The following CXCR2 variants were observed in gnomAD, a reference collection of about 807,000 sequenced individuals.
CXCR2 encodes the protein C-X-C motif chemokine receptor 2.
CXCR2 carries 2 observed loss-of-function variants against 3.7 expected under a neutral mutation model. The observed-to-expected ratio is 0.55, with a 90% confidence interval of 0.22 to 1.72. The LOEUF is 1.72. Among genes scored for constraint, CXCR2 ranks in the 40% most tolerant of loss-of-function variants. The probability of loss-of-function intolerance (pLI) is 0.19; values close to 1 mark genes in which losing one functional copy is unlikely to be tolerated. For missense variants in CXCR2, 351 were observed against 450.1 expected (o/e 0.78, Z 1.99); for synonymous variants, 203 against 193.3 (o/e 1.05, Z -0.41).
In CXCR2 at chr2:218,136,448, G is replaced by A; in HGVS notation, c.*564G>A. ...CTCTGTCTCAGTCCATGAAGATGTAGAGGAGAAACTGGAACTCTCGAGCGT... is the reference window on the plus strand; with the variant it reads ...CTCTGTCTCAGTCCATGAAGATGTAAAGGAGAAACTGGAACTCTCGAGCGT... On this transcript the variant is annotated 3_prime_UTR_variant, in exon 3 of 3. Transcript: ENST00000318507. 6.0e-6 allele frequency: 1 copy of A among 167,828 alleles called. No individual in the cohort carries two copies. The allele number at this position is 167,828 out of a possible 1,614,324, so 10.4% of individuals were successfully genotyped here.
chr2:218,126,778 G>A (rs1003175624), intron 1 of CXCR2, among the ~76,000 whole-genome samples: 1 of 152,024 alleles, frequency 6.6e-6, no homozygotes, highest in South Asian at 2.1e-4. Flanking sequence ...CTCCCAAGTA[G>A]CTGCAGCTAC....
rs142762038 is a variant in CXCR2, at chr2:218,134,891, C to T, written c.90C>T (p.Pro30=). ...ATTACAGTTACAGCTCTACCCTGCC[C>T]CCTTTTCTACTAGATGCCGCCCCAT... ...LSNYSYSSTL[P]PFLLDAAPCE... Residue 30 remains proline (P), a synonymous_variant, in exon 3 of 3, where the codon CCC becomes CCT. Transcript: ENST00000318507. 1,338 of 1,614,134 alleles carry T rather than the reference C, an allele frequency of 8.3e-4. 2 individuals carry two copies. Among genetic ancestry groups the T allele is most frequent in the South Asian group, 2.2e-3 (202 of 91,088 alleles).
intron 1 of CXCR2, among the ~76,000 whole-genome samples, chr2:218,128,002 T>C (rs1400311499): frequency 1.3e-5 from 2 of 152,204 alleles, no homozygotes; most frequent in Admixed American, 6.5e-5. Flanking sequence ...ACTATTCCAG[T>C]AATAATGATC....
intron 1 of CXCR2, among the ~76,000 whole-genome samples, chr2:218,126,820 T>TG (rs1690519778): frequency 8.7e-6 from 1 of 114,698 alleles, no homozygotes; most frequent in Non-Finnish European, 1.8e-5. Context: ...GCTAATTTTT[T>TG]GGGTTTTGTT....
rs1215942227 is a variant in CXCR2 at position 218,136,764 on chromosome 2, A to G, written c.*880A>G. On this transcript the variant is annotated 3_prime_UTR_variant, in exon 3 of 3. Transcript: ENST00000318507. ...AAGTATCCTTCAGCCTGAAAGAGGA[A>G]TGAAGTACTCATACATGTTACAACA... is the stretch of plus-strand genomic sequence containing the variant. The G allele has an allele frequency of 1.2e-5, 2 of 167,104 alleles. No homozygotes were observed. Among genetic ancestry groups the G allele is most frequent in the Non-Finnish European group, 2.9e-5 (2 of 68,132 alleles). The allele number at this position is 167,104 out of a possible 1,614,324, so 10.4% of individuals were successfully genotyped here.
At chr2:218,131,470 CT>C (rs34409642) in intron 2 of CXCR2, among the ~76,000 whole-genome samples, 7,837 of 134,072 alleles carry the variant, frequency 0.058, 207 homozygotes, top group Non-Finnish European at 0.086. Flanking sequence ...ACAATGTTAA[CT>C]TTTTTTTTTT....
rs571606252 is a variant in CXCR2, at chr2:218,131,702, C to T, written c.-26+2337C>T. Among the ~76,000 whole-genome samples the T allele has an allele frequency of 5.9e-5, 9 of 151,800 alleles. No individual in the cohort carries two copies. The East Asian group carries it at 1.7e-3, about 29-fold the overall frequency. On this transcript the variant is annotated intron_variant, in intron 2 of 2. Transcript: ENST00000318507. ...GCCAGGATGGTCTCGATCTCCTGAC[C>T]TCATGATCCGCCCATCTCGGCCTCC...
Position 218,134,817 on chromosome 2 carries a change from A to G in CXCR2, c.16A>G (p.Met6Val), listed in dbSNP as rs1285237468. Residue 6 changes from methionine (M) to valine (V), a missense_variant, in exon 3 of 3, where the codon ATG (methionine) becomes GTG (valine). Met to Val is a conservative substitution (Grantham distance 21). Transcript: ENST00000318507. ...TACCTCAAAAATGGAAGATTTTAAC[A>G]TGGAGAGTGACAGCTTTGAAGATTT... MEDFN[M>V]ESDSFEDFWK... The G allele has an allele frequency of 2.5e-6, 4 of 1,612,922 alleles. No homozygotes were observed. The South Asian group carries it at 3.3e-5, about 13-fold the overall frequency.
At chr2:218,134,628 C>T in intron 2 of CXCR2, 149 bp from the exon 3 acceptor site, 1 of 686,716 alleles carries the variant, frequency 1.5e-6, no homozygotes, top group South Asian at 2.1e-5. Flanking sequence ...TATCTCATAA[C>T]CTAAGAGCTA....
chr2:218,133,121 CT>C (rs1177539762), intron 2 of CXCR2, among the ~76,000 whole-genome samples: 1 of 151,958 alleles, frequency 6.6e-6, no homozygotes, highest in Non-Finnish European at 1.5e-5. Flanking sequence ...TGGTTTTTCT[CT>C]CACACTGGGT....
In CXCR2 at chr2:218,129,706, G is replaced by T. The variant is rs181132403; in HGVS notation, c.-26+341G>T. On this transcript the variant is annotated intron_variant, in intron 2 of 2. Coordinates refer to ENST00000318507, the MANE Select transcript of CXCR2 (RefSeq NM_001557.4). ...GAACACTGTTCGCTTCCCACTTCCC[G>T]ACACTAAATGCAATATTTGTGGATT... Among the ~76,000 whole-genome samples the T allele has an allele frequency of 1.1e-4, 11 of 99,252 alleles. No homozygotes were observed. The East Asian group carries it at 2.4e-3, about 22-fold the overall frequency. The allele number at this position is 99,252 out of a possible 152,430, so 65.1% of individuals were successfully genotyped here. A position where few individuals can be genotyped will look rare whatever the true frequency, so the allele number is the denominator to read the frequency against.
At chr2:218,134,607 A>G (rs1402191298) in intron 2 of CXCR2, among the ~76,000 whole-genome samples, 170 bp from the exon 3 acceptor site, 1 of 152,226 alleles carries the variant, frequency 6.6e-6, no homozygotes. Flanking sequence ...TGTACCATTT[A>G]TCACCAAATT....
In CXCR2 at chr2:218,136,013, G is replaced by A. The variant is rs1690793719; in HGVS notation, c.*129G>A. The A allele has an allele frequency of 4.9e-6, 6 of 1,222,450 alleles. No homozygotes were observed. The highest frequency in any genetic ancestry group is 6.9e-6 in the Non-Finnish European group (6 of 871,420). 75.7% of individuals were successfully genotyped at this position (1,222,450 alleles called of 1,614,324 possible). A position where few individuals can be genotyped will look rare whatever the true frequency, so the allele number is the denominator to read the frequency against. ...GCCCCCATTGTGGTCACAGGAAGTA[G>A]AGGAGGCCACGTTCTTACTAGTTTC... On this transcript the variant is annotated 3_prime_UTR_variant, in exon 3 of 3. Coordinates refer to ENST00000318507, the MANE Select transcript of CXCR2 (RefSeq NM_001557.4).
chr2:218,135,266 G>A lies in CXCR2; in HGVS notation c.465G>A (p.Leu155=). The change falls in exon 3 of 3, where the codon CTG becomes CTA. Residue 155 remains leucine, a synonymous_variant. Transcript: ENST00000318507. The surrounding 1 kb of genome is among the most constrained non-coding windows in gnomAD (Gnocchi z 4.0). ...CCATTGTCCATGCCACACGCACACTGACCCAGAAGCGCTACTTGGTCAAAT... is the reference window on the plus strand; with the variant it reads ...CCATTGTCCATGCCACACGCACACTAACCCAGAAGCGCTACTTGGTCAAAT... ...YLAIVHATRT[L]TQKRYLVKFI... 1.2e-6 allele frequency: 2 copies of A among 1,614,190 alleles called. No homozygotes were observed. Among genetic ancestry groups the A allele is most frequent in the Non-Finnish European group, 1.7e-6 (2 of 1,180,040 alleles).
Position 218,135,544 on chromosome 2 carries a change from G to A in CXCR2, c.743G>A (p.Arg248Gln), listed in dbSNP as rs61733609. 1.0e-3 allele frequency: 1,621 copies of A among 1,614,074 alleles called. 3 individuals carry two copies. Among genetic ancestry groups the A allele is most frequent in the Non-Finnish European group, 1.0e-3 (1,205 of 1,180,018 alleles). The change falls in exon 3 of 3, where the codon CGG (arginine) becomes CAG (glutamine). Residue 248 changes from arginine (R) to glutamine (Q), a missense_variant. Physicochemically the swap from Arg to Gln is conservative, Grantham distance 43. Coordinates refer to ENST00000318507, the MANE Select transcript of CXCR2 (RefSeq NM_001557.4). This position sits in a 1 kb window ranked among gnomAD's most constrained non-coding sequence, Gnocchi z 4.0. ...AAGGCCCACATGGGGCAGAAGCACCGGGCCATGCGGGTCATCTTTGCTGTC... is the reference window on the plus strand; with the variant it reads ...AAGGCCCACATGGGGCAGAAGCACCAGGCCATGCGGGTCATCTTTGCTGTC... ...LFKAHMGQKH[R>Q]AMRVIFAVVL...
chr2:218,135,217 G>A lies in CXCR2; in HGVS notation c.416G>A (p.Cys139Tyr), dbSNP rs1417138569. ...NFYSGILLLA[C>Y]ISVDRYLAIV... is the part of the protein sequence containing the mutation. ...TATAGTGGCATCCTGCTACTGGCCT[G>A]CATCAGTGTGGACCGTTACCTGGCC... is the stretch of plus-strand genomic sequence containing the variant. Residue 139 changes from cysteine to tyrosine, a missense_variant, in exon 3 of 3, where the codon TGC becomes TAC. Cys to Tyr is a radical substitution (Grantham distance 194, BLOSUM62 -2). Transcript: ENST00000318507. The surrounding 1 kb of genome is among the most constrained non-coding windows in gnomAD (Gnocchi z 4.0). 2 of 1,614,092 alleles carry A rather than the reference G, an allele frequency of 1.2e-6. No individual in the cohort carries two copies. The highest frequency in any genetic ancestry group is 1.3e-5 in the African/African-American group (1 of 74,930).
chr2:218,129,652 T>C (rs1690594857), intron 2 of CXCR2, among the ~76,000 whole-genome samples: 1 of 152,186 alleles, frequency 6.6e-6, no homozygotes, highest in Admixed American at 6.5e-5. Context: ...CCTCCTGGCC[T>C]GGGCTAGGAC....
rs144013681 is a variant in CXCR2 at position 218,135,508 on chromosome 2, G to A, written c.707G>A (p.Arg236His). Reference sequence around the variant, plus strand: ...CTGTTCTGCTACGGATTCACCCTGCGTACGCTGTTTAAGGCCCACATGGGG... The same window carrying A: ...CTGTTCTGCTACGGATTCACCCTGCATACGCTGTTTAAGGCCCACATGGGG... Reference protein sequence around the residue: ...IMLFCYGFTLRTLFKAHMGQK... With the variant: ...IMLFCYGFTLHTLFKAHMGQK... Residue 236 changes from arginine (R) to histidine (H), a missense_variant, in exon 3 of 3, where the codon CGT (arginine) becomes CAT (histidine). Physicochemically the swap from Arg to His is conservative, Grantham distance 29. Coordinates refer to ENST00000318507, the MANE Select transcript of CXCR2 (RefSeq NM_001557.4). The surrounding 1 kb of genome is among the most constrained non-coding windows in gnomAD (Gnocchi z 4.0). 4.5e-5 allele frequency: 72 copies of A among 1,613,972 alleles called. No homozygotes were observed. The highest frequency in any genetic ancestry group is 2.3e-4 in the South Asian group (21 of 91,080).
rs555687130 is a variant in CXCR2, at chr2:218,136,946, G to A, written c.*1062G>A. Reference sequence around the variant, plus strand: ...CCAGGGACTGAGGGGAGGGGAGCATGGGAAGTGACGGTTTAATGGGCACAG... The same window carrying A: ...CCAGGGACTGAGGGGAGGGGAGCATAGGAAGTGACGGTTTAATGGGCACAG... On this transcript the variant is annotated 3_prime_UTR_variant, in exon 3 of 3. Coordinates refer to ENST00000318507, the MANE Select transcript of CXCR2 (RefSeq NM_001557.4). 31 of 167,392 alleles carry A rather than the reference G, an allele frequency of 1.9e-4. No homozygotes were observed. The highest frequency in any genetic ancestry group is 7.0e-4 in the African/African-American group (29 of 41,556). 10.4% of individuals were successfully genotyped at this position (167,392 alleles called of 1,614,324 possible).
Sources: gnomAD v4.1 joint callset for allele counts (sites outside exome capture counted in the v4.1 genomes callset) on GRCh38, gnomAD v4.1.1 for gene constraint, Gnocchi (gnomAD v3.1) non-coding constraint, MANE v1.5 for transcripts, NCBI Gene and HGNC (gene_info 2026-07-23, HGNC 2026-07-21) for gene names.